The following CFAP47 variants were observed in gnomAD, a reference collection of about 807,000 sequenced individuals.
CFAP47 encodes cilia- and flagella-associated protein 47.
A neutral mutation model predicts 148.1 loss-of-function variants in CFAP47; 29 were observed. That is an observed-to-expected ratio of 0.20 (90% CI 0.15 to 0.27). The LOEUF is 0.27. Ranked by LOEUF, CFAP47 falls within the 10% of genes least tolerant of loss-of-function variation. The probability of loss-of-function intolerance (pLI) is 1.00; values close to 1 mark genes in which losing one functional copy is unlikely to be tolerated. For synonymous variants in CFAP47, 664 were observed against 577.3 expected, an observed-to-expected ratio of 1.15 and a Z score of -2.15; for missense variants, 1,872 against 1,697.5, an observed-to-expected ratio of 1.10 and a Z score of -1.81.
chrX:35,973,139 A>C (rs749151239), intron 13 of CFAP47, among the ~76,000 whole-genome samples: 1 of 112,196 alleles, frequency 8.9e-6, no homozygotes, highest in Non-Finnish European at 1.9e-5. Context: ...ATGTCTATGT[A>C]TGTCATATAT....
Position 35,926,221 on chromosome X carries a change from A to T in CFAP47, c.401+53A>T, listed in dbSNP as rs1935739195. 1.2e-5 allele frequency: 12 copies of T among 975,294 alleles called. No homozygotes were observed. In the South Asian group the frequency reaches 3.2e-4, roughly 26 times the overall value. 80.4% of individuals were successfully genotyped at this position (975,294 alleles called of 1,213,427 possible). ...CATTTTGAATACTCTTTAAATAAAA[A>T]TGAGGGTCAAAGTAATATTTTGTAT... On this transcript the variant is annotated intron_variant, in intron 2 of 63. Coordinates refer to ENST00000378653, the MANE Select transcript of CFAP47 (RefSeq NM_001304548.2).
At chrX:36,285,756 T>C (rs6629068) in intron 51 of CFAP47, 30 bp downstream of exon 51, 153,139 of 1,082,524 alleles carry the variant, frequency 0.14, 11,059 homozygotes, top group African/African-American at 0.49. Context: ...TCATAGACTC[T>C]GTCATTTTGT....
At chrX:36,178,029 C>A (rs972301048) in intron 39 of CFAP47, among the ~76,000 whole-genome samples, 3 of 111,591 alleles carry the variant, frequency 2.7e-5, no homozygotes, top group Non-Finnish European at 5.6e-5. Flanking sequence ...ATGTTCTTTG[C>A]AAAAACATGA....
intron 30 of CFAP47, among the ~76,000 whole-genome samples, chrX:36,089,192 G>A (rs6632479): frequency 0.26 from 27,998 of 108,945 alleles, 5,152 homozygotes; most frequent in African/African-American, 0.64. Context: ...ACATGGAGAA[G>A]CCCTGTCTCT....
chrX:36,252,306 TAGTG>T (rs1446160630), intron 49 of CFAP47, among the ~76,000 whole-genome samples: 3 of 109,192 alleles, frequency 2.7e-5, no homozygotes, highest in Non-Finnish European at 3.8e-5. Context: ...ATAGAAGCGA[TAGTG>T]AGCTGCTGCA....
intron 30 of CFAP47, among the ~76,000 whole-genome samples, chrX:36,097,347 C>G (rs1938296282): frequency 9.0e-6 from 1 of 110,529 alleles, no homozygotes; most frequent in Non-Finnish European, 1.9e-5. Context: ...AGTTTTGTAC[C>G]TTCAGATAAT....
rs185540313 is a variant in CFAP47 at position 35,963,693 on chromosome X, T to C, written c.1411-2872T>C. Among the ~76,000 whole-genome samples, 6 of 111,700 alleles carry C rather than the reference T, an allele frequency of 5.4e-5. No homozygotes were observed. The East Asian group carries it at 1.7e-3, about 31-fold the overall frequency. On this transcript the variant is annotated intron_variant, in intron 8 of 63. Coordinates refer to ENST00000378653, the MANE Select transcript of CFAP47 (RefSeq NM_001304548.2). The stretch of plus-strand genomic sequence containing the variant: ...TTTGTACTAAATAGATATTTTGTAA[T>C]ATACCATTTTAATTTTGTCATTATT...
intron 48 of CFAP47, among the ~76,000 whole-genome samples, chrX:36,246,723 A>G (rs1478553252): frequency 9.0e-6 from 1 of 111,441 alleles, no homozygotes; most frequent in Non-Finnish European, 1.9e-5. Context: ...CAGCAAAACC[A>G]TATCACCATC....
At chrX:36,287,404 T>C (rs980232701) in intron 51 of CFAP47, among the ~76,000 whole-genome samples, 4 of 111,600 alleles carry the variant, frequency 3.6e-5, no homozygotes, top group Non-Finnish European at 5.7e-5. Flanking sequence ...CTTACGCACA[T>C]ATATATTTCT....
Position 35,935,585 on chromosome X carries a change from T to A in CFAP47, c.402-5698T>A, listed in dbSNP as rs763964345. Among the ~76,000 whole-genome samples the A allele has an allele frequency of 8.9e-3, 956 of 107,784 alleles. 9 individuals carry two copies. The highest frequency in any genetic ancestry group is 0.024 in the African/African-American group (698 of 29,143). 93.6% of individuals were successfully genotyped at this position (107,784 alleles called of 115,157 possible). On this transcript the variant is annotated intron_variant, in intron 2 of 63. Coordinates refer to ENST00000378653, the MANE Select transcript of CFAP47 (RefSeq NM_001304548.2). ...TACGAAGTTGCTTTTTTTTTTTTTT[T>A]TATATAGATAGTTGTTAAATTGGTG... is the stretch of plus-strand genomic sequence containing the variant.
intron 49 of CFAP47, among the ~76,000 whole-genome samples, chrX:36,251,831 C>T (rs1172633213): frequency 8.9e-6 from 1 of 111,770 alleles, no homozygotes; most frequent in Non-Finnish European, 1.9e-5. Flanking sequence ...CATGCACTTA[C>T]TTGATATATG....
chrX:36,255,380 C>T (rs782391616), intron 49 of CFAP47, among the ~76,000 whole-genome samples: 4 of 112,241 alleles, frequency 3.6e-5, no homozygotes, highest in East Asian at 5.6e-4. Context: ...TGAGCTTTGG[C>T]GAAGGCCCAC....
intron 39 of CFAP47, among the ~76,000 whole-genome samples, chrX:36,175,738 T>C (rs894481326): frequency 1.8e-5 from 2 of 112,843 alleles, no homozygotes; most frequent in Non-Finnish European, 3.8e-5. Context: ...CTGCAGAGGT[T>C]ACTGCTGTCT....
chrX:36,010,357 C>T (rs955211928), intron 21 of CFAP47, among the ~76,000 whole-genome samples: 17 of 110,538 alleles, frequency 1.5e-4, no homozygotes, highest in Non-Finnish European at 2.8e-4. Flanking sequence ...TTTGAATTAA[C>T]CCTTTTTTAT....
Position 35,987,671 on chromosome X carries a change from C to T in CFAP47, c.2714-1648C>T, listed in dbSNP as rs146203469. ...ACTGGGGTATGAAAAAAAACTCCTG[C>T]AGCTAGCTTGGTGTCTGCCCAAATG... On this transcript the variant is annotated intron_variant, in intron 15 of 63. Transcript: ENST00000378653. 5.8e-3 allele frequency among the ~76,000 whole-genome samples: 647 copies of T among 111,639 alleles called. 7 individuals are homozygous for T. The highest frequency in any genetic ancestry group is 0.02 in the African/African-American group (621 of 30,731).
intron 46 of CFAP47, among the ~76,000 whole-genome samples, chrX:36,229,595 ATATT>A (rs1291990693): frequency 1.8e-5 from 2 of 110,609 alleles, no homozygotes; most frequent in South Asian, 3.8e-4. Flanking sequence ...TACATTTTTG[ATATT>A]TATTCTTTTT....
At chrX:36,056,914 C>A (rs1937558791) in intron 26 of CFAP47, among the ~76,000 whole-genome samples, 1 of 112,295 alleles carries the variant, frequency 8.9e-6, no homozygotes, top group African/African-American at 3.2e-5. Flanking sequence ...CAAGTCCTCA[C>A]TGGGCTTGCA....
At chrX:36,331,373 A>G (rs1941564160) in intron 57 of CFAP47, among the ~76,000 whole-genome samples, 1 of 110,619 alleles carries the variant, frequency 9.0e-6, no homozygotes, top group African/African-American at 3.3e-5. Context: ...CCTCTTCTTT[A>G]GTTATATTAT....
In CFAP47 at chrX:36,350,114, C is replaced by T; in HGVS notation, c.8680C>T (p.Pro2894Ser). ...YPIVGLPQAPPPKSPPVVIQC... is the reference protein window; with the variant it reads ...YPIVGLPQAPSPKSPPVVIQC... The stretch of plus-strand genomic sequence containing the variant: ...TATTGTTGGACTCCCACAAGCACCA[C>T]CTCCTAAATCTCCCCCAGGTAGGTA... Residue 2894 changes from proline to serine, a missense_variant, in exon 59 of 64, where the codon CCT becomes TCT. Physicochemically the swap from Pro to Ser is moderately conservative, Grantham distance 74. Transcript: ENST00000378653. The T allele has an allele frequency of 8.7e-7, 1 of 1,145,453 alleles. No homozygotes were observed. Among genetic ancestry groups the T allele is most frequent in the Non-Finnish European group, 1.2e-6 (1 of 853,220 alleles). 94.4% of individuals were successfully genotyped at this position (1,145,453 alleles called of 1,213,427 possible). A position where few individuals can be genotyped will look rare whatever the true frequency, so the allele number is the denominator to read the frequency against.
Sources: allele counts gnomAD v4.1 joint callset (sites outside exome capture counted in the v4.1 genomes callset), GRCh38; gene constraint gnomAD v4.1.1; transcripts MANE v1.5; gene names NCBI Gene and HGNC (gene_info 2026-07-23, HGNC 2026-07-21).